Variants in MRPL57 observed in about 807,000 individuals in gnomAD.
MRPL57 encodes mitochondrial ribosomal protein L57.
In MRPL57, 1 loss-of-function variant was observed where a neutral mutation model predicts 1.3. The observed-to-expected ratio is 0.79, with a 90% CI of 0.28 to 3.75. The LOEUF is 3.75. Among genes scored for constraint, MRPL57 ranks in the 30% most tolerant of loss-of-function variants. The pLI, the probability that MRPL57 is intolerant of heterozygous loss-of-function variation, is 0.19. For missense variants in MRPL57, 170 were observed against 148.9 expected (o/e 1.14, Z -0.74); for synonymous variants, 79 against 61.7 (o/e 1.28, Z -1.31).
Position 21,177,342 on chromosome 13 carries a change from AACAAACAAACAT to A in MRPL57, c.*118_*129del. 1 of 1,053,748 alleles carries A rather than the reference AACAAACAAACAT, an allele frequency of 9.5e-7. No homozygotes were observed. The highest frequency in any genetic ancestry group is 1.4e-6 in the Non-Finnish European group (1 of 716,216). The allele number at this position is 1,053,748 out of a possible 1,614,324, so 65.3% of individuals were successfully genotyped here. A position where few individuals can be genotyped will look rare whatever the true frequency, so the allele number is the denominator to read the frequency against. ...GAGCCTTTGGACCAGTCTTTATTAAAACAAACAAACATGAGTAGTCTGCATATCGAATATCTA... is the reference window on the plus strand; with the variant it reads ...GAGCCTTTGGACCAGTCTTTATTAAAGAGTAGTCTGCATATCGAATATCTA... On this transcript the variant is annotated 3_prime_UTR_variant, in exon 2 of 2. Transcript: ENST00000309594.
In MRPL57 at chr13:21,176,971, G is replaced by A; in HGVS notation, c.55G>A (p.Gly19Arg). Reference sequence around the variant, plus strand: ...CCGCATTCCCGGCCGTCAGTGGATCGGGAAGCACCGGCGGCCGCGGTTCGT... The same window carrying A: ...CCGCATTCCCGGCCGTCAGTGGATCAGGAAGCACCGGCGGCCGCGGTTCGT... ...RGRIPGRQWI[G>R]KHRRPRFVSL... Residue 19 changes from glycine (G) to arginine (R), a missense_variant, in exon 2 of 2, where the codon GGG becomes AGG. Coordinates refer to ENST00000309594, the MANE Select transcript of MRPL57 (RefSeq NM_024026.5). 1.2e-6 allele frequency: 2 copies of A among 1,612,016 alleles called. No individual in the cohort carries two copies. Among genetic ancestry groups the A allele is most frequent in the Non-Finnish European group, 1.7e-6 (2 of 1,179,708 alleles).
rs756534195 is a variant in MRPL57, at chr13:21,176,927, C to T, written c.11C>T (p.Thr4Ile). The change falls in exon 2 of 2, where the codon ACT becomes ATT. Residue 4 changes from threonine (T) to isoleucine (I), a missense_variant. Physicochemically the swap from Thr to Ile is moderately conservative, Grantham distance 89. Transcript: ENST00000309594. ...TCTTCCGCAGGCACCATGTTCCTGA[C>T]TGCGCTCCTCTGGCGCGGCCGCATT... MFL[T>I]ALLWRGRIPG... is the part of the protein sequence containing the mutation. The T allele has an allele frequency of 6.2e-7, 1 of 1,608,792 alleles. No individual in the cohort carries two copies. The highest frequency in any genetic ancestry group is 8.5e-7 in the Non-Finnish European group (1 of 1,179,400).
chr13:21,178,460 T>G lies in MRPL57; in HGVS notation c.*1235T>G, dbSNP rs1293480093. On this transcript the variant is annotated 3_prime_UTR_variant, in exon 2 of 2. Transcript: ENST00000309594. ...GGTGGGGAAAAAAATCAGAATTGCG[T>G]CTGTGGGAACAGGAATAAAGGAGAA... The G allele has an allele frequency of 6.0e-6, 1 of 166,934 alleles. No homozygotes were observed. Among genetic ancestry groups the G allele is most frequent in the Non-Finnish European group, 1.5e-5 (1 of 68,136 alleles). The allele number at this position is 166,934 out of a possible 1,614,324, so 10.3% of individuals were successfully genotyped here.
In MRPL57 at chr13:21,177,323, T is replaced by G; in HGVS notation, c.*98T>G. On this transcript the variant is annotated 3_prime_UTR_variant, in exon 2 of 2. Transcript: ENST00000309594. ...CTGTAGCTTGTGTGAAAATGAGCCT[T>G]TGGACCAGTCTTTATTAAAACAAAC... 7.8e-7 allele frequency: 1 copy of G among 1,277,348 alleles called. No homozygotes were observed. Among genetic ancestry groups the G allele is most frequent in the Admixed American group, 2.3e-5 (1 of 42,608 alleles). The allele number at this position is 1,277,348 out of a possible 1,614,324, so 79.1% of individuals were successfully genotyped here. A position where few individuals can be genotyped will look rare whatever the true frequency, so the allele number is the denominator to read the frequency against.
In MRPL57 at chr13:21,177,434, G is replaced by A. The variant is rs1871645253; in HGVS notation, c.*209G>A. 3.3e-6 allele frequency: 2 copies of A among 597,550 alleles called. No individual in the cohort carries two copies. Among genetic ancestry groups the A allele is most frequent in the Admixed American group, 3.4e-5 (1 of 29,644 alleles). 37.0% of individuals were successfully genotyped at this position (597,550 alleles called of 1,614,324 possible). A position where few individuals can be genotyped will look rare whatever the true frequency, so the allele number is the denominator to read the frequency against. ...TAATTGCTGTCCTGTGGTTTCATTA[G>A]TCTGATAGGAAGATAGGGATTTCCT... On this transcript the variant is annotated 3_prime_UTR_variant, in exon 2 of 2. Transcript: ENST00000309594.
rs1296202096 is a variant in MRPL57 at position 21,177,109 on chromosome 13, G to A, written c.193G>A (p.Val65Met). ...TREQERGHAA[V>M]RRREAFEAIK... ...GGAGCAGGAGCGCGGCCACGCCGCG[G>A]TGCGCAGGAGGGAGGCCTTCGAGGC... Residue 65 changes from valine (V) to methionine (M), a missense_variant, in exon 2 of 2, where the codon GTG becomes ATG. By Grantham distance (21) the Val-to-Met change is conservative. Transcript: ENST00000309594. 13 of 1,613,946 alleles carry A rather than the reference G, an allele frequency of 8.1e-6. No individual in the cohort carries two copies. The East Asian group carries it at 2.7e-4, about 33-fold the overall frequency.
At position 21,178,281 on chromosome 13, in the gene MRPL57, A is replaced by G. The variant is rs1871692960; in HGVS notation, c.*1056A>G. 1 of 152,564 alleles carries G rather than the reference A, an allele frequency of 6.6e-6. No homozygotes were observed. The highest frequency in any genetic ancestry group is 2.4e-5 in the African/African-American group (1 of 41,424). 9.5% of individuals were successfully genotyped at this position (152,564 alleles called of 1,614,324 possible). ...GTGAAACCCTGTCTCCACTGAAAAT[A>G]CATAAAATTAGCCGGGTGCAGTGGT... On this transcript the variant is annotated 3_prime_UTR_variant, in exon 2 of 2. Coordinates refer to ENST00000309594, the MANE Select transcript of MRPL57 (RefSeq NM_024026.5).
At position 21,177,264 on chromosome 13, in the gene MRPL57, C is replaced by T. The variant is rs1346232276; in HGVS notation, c.*39C>T. On this transcript the variant is annotated 3_prime_UTR_variant, in exon 2 of 2. Transcript: ENST00000309594. ...CCCTTGGATTTTATGGATCACGGAGCTGACCATCTTTACCTGGTCCTGGAA... is the reference window on the plus strand; with the variant it reads ...CCCTTGGATTTTATGGATCACGGAGTTGACCATCTTTACCTGGTCCTGGAA... 13 of 1,599,060 alleles carry T rather than the reference C, an allele frequency of 8.1e-6. No individual in the cohort carries two copies. Among genetic ancestry groups the T allele is most frequent in the African/African-American group, 1.3e-5 (1 of 74,546 alleles).
At position 21,178,514 on chromosome 13, in the gene MRPL57, G is replaced by C. The variant is rs1871707071; in HGVS notation, c.*1289G>C. On this transcript the variant is annotated 3_prime_UTR_variant, in exon 2 of 2. Transcript: ENST00000309594. ...ACTATTGACTGGGAAGACACACAAAGAACTTTGTCAAAGTTGTATGGCTGA... is the reference window on the plus strand; with the variant it reads ...ACTATTGACTGGGAAGACACACAAACAACTTTGTCAAAGTTGTATGGCTGA... The C allele has an allele frequency of 6.0e-6, 1 of 166,798 alleles. No individual in the cohort carries two copies. 10.3% of individuals were successfully genotyped at this position (166,798 alleles called of 1,614,324 possible). A position where few individuals can be genotyped will look rare whatever the true frequency, so the allele number is the denominator to read the frequency against.
rs1218238282 is a variant in MRPL57, at chr13:21,176,859, C to T, written c.-5-53C>T. Reference sequence around the variant, plus strand: ...TGGAGCGCGCGCCCGCTGCTCTCTCCAGGTCCGGCCGCGCCAGTTCGCCTC... The same window carrying T: ...TGGAGCGCGCGCCCGCTGCTCTCTCTAGGTCCGGCCGCGCCAGTTCGCCTC... On this transcript the variant is annotated intron_variant, in intron 1 of 1. Coordinates refer to ENST00000309594, the MANE Select transcript of MRPL57 (RefSeq NM_024026.5). 1.9e-5 allele frequency: 30 copies of T among 1,572,664 alleles called. 1 individual carries two copies. The South Asian group carries it at 3.3e-4, about 17-fold the overall frequency.
rs541328583 is a variant in MRPL57 at position 21,177,801 on chromosome 13, T to C, written c.*576T>C. 1.2e-5 allele frequency: 2 copies of C among 167,436 alleles called. No homozygotes were observed. The highest frequency in any genetic ancestry group is 1.4e-5 in the Non-Finnish European group (1 of 69,144). 10.4% of individuals were successfully genotyped at this position (167,436 alleles called of 1,614,324 possible). ...CTTGGCCAAGGTGATAAAACCCGTCTCTACTAATACAAAAAAAATTAGCTG... is the reference window on the plus strand; with the variant it reads ...CTTGGCCAAGGTGATAAAACCCGTCCCTACTAATACAAAAAAAATTAGCTG... On this transcript the variant is annotated 3_prime_UTR_variant, in exon 2 of 2. Coordinates refer to ENST00000309594, the MANE Select transcript of MRPL57 (RefSeq NM_024026.5).
rs994306479 is a variant in MRPL57, at chr13:21,178,221, G to C, written c.*996G>C. The C allele has an allele frequency of 1.3e-5, 2 of 152,610 alleles. No homozygotes were observed. Among genetic ancestry groups the C allele is most frequent in the Non-Finnish European group, 2.9e-5 (2 of 68,088 alleles). 9.5% of individuals were successfully genotyped at this position (152,610 alleles called of 1,614,324 possible). Reference sequence around the variant, plus strand: ...GGAGGCTGAGGCGGGCAGATCACTTGAGGCCAGGAGTTCAAGACCAGCCCA... The same window carrying C: ...GGAGGCTGAGGCGGGCAGATCACTTCAGGCCAGGAGTTCAAGACCAGCCCA... On this transcript the variant is annotated 3_prime_UTR_variant, in exon 2 of 2. Transcript: ENST00000309594.
At position 21,177,453 on chromosome 13, in the gene MRPL57, A is replaced by G. The variant is rs1871646622; in HGVS notation, c.*228A>G. On this transcript the variant is annotated 3_prime_UTR_variant, in exon 2 of 2. Transcript: ENST00000309594. ...TCATTAGTCTGATAGGAAGATAGGG[A>G]TTTCCTCAGTCACAGATGATATTTT... The G allele has an allele frequency of 5.3e-6, 3 of 565,650 alleles. No homozygotes were observed. Among genetic ancestry groups the G allele is most frequent in the Non-Finnish European group, 3.2e-6 (1 of 316,220 alleles). The allele number at this position is 565,650 out of a possible 1,614,324, so 35.0% of individuals were successfully genotyped here. A position where few individuals can be genotyped will look rare whatever the true frequency, so the allele number is the denominator to read the frequency against.
rs1017620251 is a variant in MRPL57 at position 21,176,708 on chromosome 13, A to G, written c.-15A>G. 1.5e-6 allele frequency: 1 copy of G among 672,248 alleles called. No individual in the cohort carries two copies. The allele number at this position is 672,248 out of a possible 1,614,324, so 41.6% of individuals were successfully genotyped here. A position where few individuals can be genotyped will look rare whatever the true frequency, so the allele number is the denominator to read the frequency against. On this transcript the variant is annotated 5_prime_UTR_variant, in exon 1 of 2. Transcript: ENST00000309594. ...GCCGCGGAGACGCAGAGTCTTGAGC[A>G]GCGCGGCAGGTGAGTAGCTGTGCGA...
Position 21,176,987 on chromosome 13 carries a change from C to A in MRPL57, c.71C>A (p.Pro24Gln). Residue 24 changes from proline to glutamine, a missense_variant, in exon 2 of 2, where the codon CCG (proline) becomes CAG (glutamine). Physicochemically the swap from Pro to Gln is moderately conservative, Grantham distance 76 (BLOSUM62 -1). Coordinates refer to ENST00000309594, the MANE Select transcript of MRPL57 (RefSeq NM_024026.5). ...CAGTGGATCGGGAAGCACCGGCGGCCGCGGTTCGTGTCGTTGCGCGCCAAG... is the reference window on the plus strand; with the variant it reads ...CAGTGGATCGGGAAGCACCGGCGGCAGCGGTTCGTGTCGTTGCGCGCCAAG... Reference protein sequence around the residue: ...GRQWIGKHRRPRFVSLRAKQN... With the variant: ...GRQWIGKHRRQRFVSLRAKQN... 1 of 1,612,202 alleles carries A rather than the reference C, an allele frequency of 6.2e-7. No individual in the cohort carries two copies.
chr13:21,177,366 A>C lies in MRPL57; in HGVS notation c.*141A>C, dbSNP rs774502708. 2.2e-4 allele frequency: 180 copies of C among 818,536 alleles called. No homozygotes were observed. Among genetic ancestry groups the C allele is most frequent in the Non-Finnish European group, 3.1e-4 (162 of 518,846 alleles). 50.7% of individuals were successfully genotyped at this position (818,536 alleles called of 1,614,324 possible). A position where few individuals can be genotyped will look rare whatever the true frequency, so the allele number is the denominator to read the frequency against. ...AAACAAACAAACATGAGTAGTCTGC[A>C]TATCGAATATCTAGAGCTCTAAACC... On this transcript the variant is annotated 3_prime_UTR_variant, in exon 2 of 2. Coordinates refer to ENST00000309594, the MANE Select transcript of MRPL57 (RefSeq NM_024026.5).
chr13:21,176,967 G>A lies in MRPL57; in HGVS notation c.51G>A (p.Trp17Ter). Residue 17 changes from tryptophan to a stop codon, truncating the protein, a stop_gained, in exon 2 of 2, where the codon TGG (tryptophan) becomes TGA (stop). Coordinates refer to ENST00000309594, the MANE Select transcript of MRPL57 (RefSeq NM_024026.5). LOFTEE classifies it low-confidence loss of function (END_TRUNC). ...LWRGRIPGRQWIGKHRRPRFV... is the reference protein window; with the variant it reads ...LWRGRIPGRQ Reference sequence around the variant, plus strand: ...GCGGCCGCATTCCCGGCCGTCAGTGGATCGGGAAGCACCGGCGGCCGCGGT... The same window carrying A: ...GCGGCCGCATTCCCGGCCGTCAGTGAATCGGGAAGCACCGGCGGCCGCGGT... The A allele has an allele frequency of 1.2e-6, 2 of 1,612,100 alleles. No homozygotes were observed. Among genetic ancestry groups the A allele is most frequent in the Non-Finnish European group, 1.7e-6 (2 of 1,179,854 alleles).
rs1871610713 is a variant in MRPL57 at position 21,177,023 on chromosome 13, T to C, written c.107T>C (p.Ile36Thr). 1 of 1,613,072 alleles carries C rather than the reference T, an allele frequency of 6.2e-7. No homozygotes were observed. Among genetic ancestry groups the C allele is most frequent in the South Asian group, 1.1e-5 (1 of 91,086 alleles). The change falls in exon 2 of 2, where the codon ATC (isoleucine) becomes ACC (threonine). Residue 36 changes from isoleucine (I) to threonine (T), a missense_variant. Physicochemically the swap from Ile to Thr is moderately conservative, Grantham distance 89. Coordinates refer to ENST00000309594, the MANE Select transcript of MRPL57 (RefSeq NM_024026.5). ...TCGTTGCGCGCCAAGCAGAACATGA[T>C]CCGCCGCCTGGAGATCGAGGCGGAG... The part of the protein sequence containing the change: ...FVSLRAKQNM[I>T]RRLEIEAENH...
Position 21,176,984 on chromosome 13 carries a change from G to C in MRPL57, c.68G>C (p.Arg23Pro), listed in dbSNP as rs767007806. Residue 23 changes from arginine to proline, a missense_variant, in exon 2 of 2, where the codon CGG (arginine) becomes CCG (proline). Coordinates refer to ENST00000309594, the MANE Select transcript of MRPL57 (RefSeq NM_024026.5). ...CGTCAGTGGATCGGGAAGCACCGGCGGCCGCGGTTCGTGTCGTTGCGCGCC... is the reference window on the plus strand; with the variant it reads ...CGTCAGTGGATCGGGAAGCACCGGCCGCCGCGGTTCGTGTCGTTGCGCGCC... ...PGRQWIGKHRRPRFVSLRAKQ... is the reference protein window; with the variant it reads ...PGRQWIGKHRPPRFVSLRAKQ... The C allele has an allele frequency of 6.2e-7, 1 of 1,612,144 alleles. No homozygotes were observed. Among genetic ancestry groups the C allele is most frequent in the South Asian group, 1.1e-5 (1 of 91,084 alleles).
Sources: allele counts gnomAD v4.1 joint callset, GRCh38; gene constraint gnomAD v4.1.1; transcripts MANE v1.5; gene names NCBI Gene and HGNC (gene_info 2026-07-23, HGNC 2026-07-21).